The following TNC variants were observed in gnomAD, a reference collection of about 807,000 sequenced individuals.
TNC encodes tenascin.
TNC carries 109 observed loss-of-function variants against 202.4 expected under a neutral mutation model. That is an observed-to-expected ratio of 0.54 (90% CI 0.46 to 0.63). The LOEUF (loss-of-function observed/expected upper bound fraction) is 0.63, where lower values mean the gene tolerates loss of function less well. Among genes scored for constraint, TNC ranks in the 30% least tolerant of loss-of-function variants. The probability of loss-of-function intolerance (pLI) is 0.00; values close to 1 mark genes in which losing one functional copy is unlikely to be tolerated. For synonymous variants in TNC, 1,007 were observed against 1,089.7 expected (o/e 0.92, Z 1.50); for missense variants, 2,756 against 2,833.3 (o/e 0.97, Z 0.62).
At chr9:115,111,820 C>T (rs1315573374) in intron 1 of TNC, among the ~76,000 whole-genome samples, 1 of 152,016 alleles carries the variant, frequency 6.6e-6, no homozygotes, top group Non-Finnish European at 1.5e-5. Context: ...AACTGAGGCC[C>T]TCAGTTCAAT....
At chr9:115,114,830 T>C (rs867977518) in intron 1 of TNC, among the ~76,000 whole-genome samples, 21 of 152,202 alleles carry the variant, frequency 1.4e-4, no homozygotes, top group African/African-American at 4.6e-4. Context: ...TGAGTGTCGA[T>C]TTCTTTAAAA....
intron 17 of TNC, 130 bp from the exon 18 acceptor site, chr9:115,042,471 G>T: frequency 1.6e-6 from 2 of 1,247,688 alleles, no homozygotes; most frequent in Non-Finnish European, 2.2e-6. Flanking sequence ...CCTTTAGGAT[G>T]GAGAATGTGG....
At chr9:115,032,136 G>A (rs908903677) in intron 22 of TNC, among the ~76,000 whole-genome samples, 2 of 151,922 alleles carry the variant, frequency 1.3e-5, no homozygotes, top group African/African-American at 4.8e-5. Flanking sequence ...TTTTTTGGAT[G>A]AGATTAATAT....
At chr9:115,116,088 A>G (rs1837442527) in intron 1 of TNC, among the ~76,000 whole-genome samples, 1 of 152,214 alleles carries the variant, frequency 6.6e-6, no homozygotes. Context: ...TGAATGTTGC[A>G]AGAGCCCTGT....
intron 1 of TNC, among the ~76,000 whole-genome samples, chr9:115,098,306 G>T (rs569299806): frequency 6.6e-6 from 1 of 152,316 alleles, no homozygotes; most frequent in East Asian, 1.9e-4. Flanking sequence ...TGGCTTTTTA[G>T]CTCATAATTT....
intron 15 of TNC, among the ~76,000 whole-genome samples, chr9:115,053,521 A>G (rs1050672754): frequency 6.6e-6 from 1 of 152,186 alleles, no homozygotes; most frequent in African/African-American, 2.4e-5. Flanking sequence ...CTGTCAGTAA[A>G]CCTGTTTAAT....
rs1294784092 is a variant in TNC, at chr9:115,059,780, C to G, written c.4256G>C (p.Gly1419Ala). The change falls in exon 14 of 28, where the codon GGG becomes GCG. Residue 1419 changes from glycine to alanine, a missense_variant. This residue lies in a region of TNC where 2,559 missense variants were observed against 2,546.0 expected (regional missense o/e 1.01). Transcript: ENST00000350763. ...AATPYRVSIY[G>A]VIRGYRTPVL... The stretch of plus-strand genomic sequence containing the variant: ...TGGTGTTCTATAGCCCCGGATCACC[C>G]CATAGATGGAGACTCTATAAGGCGT... 6.2e-7 allele frequency: 1 copy of G among 1,614,090 alleles called. No homozygotes were observed. The highest frequency in any genetic ancestry group is 2.2e-5 in the East Asian group (1 of 44,874).
Position 115,046,580 on chromosome 9 carries a change from A to C in TNC, c.4955T>G (p.Leu1652Arg). 6.2e-7 allele frequency: 1 copy of C among 1,614,076 alleles called. No individual in the cohort carries two copies. Among genetic ancestry groups the C allele is most frequent in the East Asian group, 2.2e-5 (1 of 44,872 alleles). ...CTGCTTTTTGGTATCTCTGATTTTG[A>C]GAACAAAATTGTCGAAGACCCCTTC... is the stretch of plus-strand genomic sequence containing the variant. ...ADEGVFDNFV[L>R]KIRDTKKQSE... Residue 1652 changes from leucine to arginine, a missense_variant, in exon 17 of 28, where the codon CTC becomes CGC. This residue lies in a region of TNC where 2,559 missense variants were observed against 2,546.0 expected (regional missense o/e 1.01). Transcript: ENST00000350763.
At chr9:115,035,769 C>T (rs1588019549) in intron 21 of TNC, 1 of 294,434 alleles carries the variant, frequency 3.4e-6, no homozygotes, top group Non-Finnish European at 6.3e-6. Flanking sequence ...AAAAATATGC[C>T]TCTTCAAAAA....
At position 115,090,860 on chromosome 9, in the gene TNC, A is replaced by T; in HGVS notation, c.159T>A (p.Val53=). 1.2e-6 allele frequency: 2 copies of T among 1,614,170 alleles called. No individual in the cohort carries two copies. Among genetic ancestry groups the T allele is most frequent in the Non-Finnish European group, 1.7e-6 (2 of 1,180,024 alleles). ...ATCCCACTGGCAGCTTGATGTTGTA[A>T]ACGTGGTTAAACACCACTGGCTGGT... The part of the protein sequence containing the change: ...EENQPVVFNH[V]YNIKLPVGSQ... The change falls in exon 2 of 28, where the codon GTT becomes GTA. Residue 53 remains valine (V), a synonymous_variant. Transcript: ENST00000350763.
chr9:115,026,781 T>C lies in TNC; in HGVS notation c.6170-86A>G. 4 of 1,332,496 alleles carry C rather than the reference T, an allele frequency of 3.0e-6. No individual in the cohort carries two copies. The South Asian group carries it at 3.9e-5, about 13-fold the overall frequency. The allele number at this position is 1,332,496 out of a possible 1,614,324, so 82.5% of individuals were successfully genotyped here. ...TCACTCTGTAAAAGCGGCAACTGGG[T>C]ACACTTAAGACAGGGCCAACTGGGC... On this transcript the variant is annotated intron_variant, in intron 25 of 27. Coordinates refer to ENST00000350763, the MANE Select transcript of TNC (RefSeq NM_002160.4).
intron 10 of TNC, 53 bp from the exon 11 acceptor site, chr9:115,064,972 T>G: frequency 9.5e-6 from 15 of 1,574,094 alleles, no homozygotes; most frequent in Non-Finnish European, 1.3e-5. Context: ...AAAGTTTTGC[T>G]TCTGAGAACC....
In TNC at chr9:115,043,385, C is replaced by T. The variant is rs1830921875; in HGVS notation, c.5126-1044G>A. ...ACTCTGTGGCTGCCTGGGTTTTTGC[C>T]CTGCCCATGGAAAGTTTCAGAAACC... On this transcript the variant is annotated intron_variant, in intron 17 of 27. Coordinates refer to ENST00000350763, the MANE Select transcript of TNC (RefSeq NM_002160.4). Among the ~76,000 whole-genome samples the T allele has an allele frequency of 2.0e-5, 3 of 152,216 alleles. No homozygotes were observed. The South Asian group carries it at 6.2e-4, about 32-fold the overall frequency.
In TNC at chr9:115,091,098, G is replaced by A; in HGVS notation, c.-80C>T. On this transcript the variant is annotated 5_prime_UTR_variant, in exon 2 of 28. Transcript: ENST00000350763. ...CACTTTCAGCAGAATTGGGGATTTA[G>A]AAGCACAGAGTAGACTTCAAATCAG... 1 of 1,140,544 alleles carries A rather than the reference G, an allele frequency of 8.8e-7. No individual in the cohort carries two copies. Among genetic ancestry groups the A allele is most frequent in the Non-Finnish European group, 1.3e-6 (1 of 791,766 alleles). The allele number at this position is 1,140,544 out of a possible 1,614,324, so 70.7% of individuals were successfully genotyped here. A position where few individuals can be genotyped will look rare whatever the true frequency, so the allele number is the denominator to read the frequency against.
At chr9:115,022,790 A>G (rs1449478873) in intron 27 of TNC, among the ~76,000 whole-genome samples, 1 of 152,166 alleles carries the variant, frequency 6.6e-6, no homozygotes, top group Non-Finnish European at 1.5e-5. Context: ...ACAGGGTAAA[A>G]ATGATAAACC....
In TNC at chr9:115,084,366, G is replaced by A. The variant is rs1834545836; in HGVS notation, c.1974C>T (p.Pro658=). The A allele has an allele frequency of 1.2e-6, 2 of 1,614,206 alleles. No individual in the cohort carries two copies. The highest frequency in any genetic ancestry group is 2.2e-5 in the East Asian group (1 of 44,878). The change falls in exon 4 of 28, where the codon CCC becomes CCT. Residue 658 remains proline (P), a synonymous_variant. Coordinates refer to ENST00000350763, the MANE Select transcript of TNC (RefSeq NM_002160.4). ...RVTEYLVVYT[P]THEGGLEMQF... ...GCATTTCCAGACCACCCTCGTGGGT[G>A]GGCGTGTACACGACAAGGTACTCTG... is the stretch of plus-strand genomic sequence containing the variant.
chr9:115,106,548 G>C (rs770709132), intron 1 of TNC, among the ~76,000 whole-genome samples: 1 of 152,170 alleles, frequency 6.6e-6, no homozygotes, highest in African/African-American at 2.4e-5. Context: ...CTTGAGGGGA[G>C]GGCATAGGCC....
At chr9:115,108,849 T>C (rs1183757087) in intron 1 of TNC, among the ~76,000 whole-genome samples, 1 of 152,204 alleles carries the variant, frequency 6.6e-6, no homozygotes, top group Non-Finnish European at 1.5e-5. Flanking sequence ...ACATATAAGG[T>C]GCCATCTTGA....
intron 18 of TNC, among the ~76,000 whole-genome samples, chr9:115,041,419 G>A (rs184436069): frequency 6.6e-6 from 1 of 152,180 alleles, no homozygotes; most frequent in East Asian, 1.9e-4. Context: ...AAACAATATG[G>A]GAAGCTTACT....
Sources: allele counts gnomAD v4.1 joint callset (sites outside exome capture counted in the v4.1 genomes callset), GRCh38; gene constraint gnomAD v4.1.1; regional missense constraint gnomAD v4.1.1; transcripts MANE v1.5; gene names NCBI Gene and HGNC (gene_info 2026-07-23, HGNC 2026-07-21).